The following MALRD1 variants were observed in gnomAD, a reference collection of about 807,000 sequenced individuals.
MALRD1 encodes the protein MAM and LDL-receptor class A domain-containing protein 1.
In MALRD1, 247 loss-of-function variants were observed where a neutral mutation model predicts 242.1. That is an observed-to-expected ratio of 1.02 (90% CI 0.92 to 1.13). The LOEUF (loss-of-function observed/expected upper bound fraction) is 1.13. MALRD1 is among the 50% of genes most tolerant of loss of function. The pLI is 0.00. For synonymous variants in MALRD1, 995 were observed against 866.6 expected, an observed-to-expected ratio of 1.15 and a Z score of -2.60; for missense variants, 2,989 against 2,533.1, an observed-to-expected ratio of 1.18 and a Z score of -3.86.
At chr10:19,161,503 TA>T (rs1167141332) in intron 12 of MALRD1, among the ~76,000 whole-genome samples, 687 of 45,936 alleles carry the variant, frequency 0.015, 12 homozygotes, top group African/African-American at 0.05. Context: ...TAGAGTATAA[TA>T]AAAAAAATAA....
chr10:19,682,444 C>T (rs1489897781), intron 36 of MALRD1, among the ~76,000 whole-genome samples: 1 of 152,168 alleles, frequency 6.6e-6, no homozygotes, highest in Non-Finnish European at 1.5e-5. Flanking sequence ...TGGCTGAAAG[C>T]GTCCAATTAT....
rs537045232 is a variant in MALRD1 at position 19,237,241 on chromosome 10, A to G, written c.2992-20443A>G. On this transcript the variant is annotated intron_variant, in intron 18 of 39. Coordinates refer to ENST00000454679, the MANE Select transcript of MALRD1 (RefSeq NM_001142308.3). ...AAGAACACTAAAACTTATTCTTCCT[A>G]TATAATTGTGATTTCATAACTGTTA... Among the ~76,000 whole-genome samples the G allele has an allele frequency of 6.6e-5, 10 of 151,510 alleles. No homozygotes were observed. In the South Asian group the frequency reaches 1.7e-3, roughly 25 times the overall value.
chr10:19,323,639 G>T (rs537431772), intron 21 of MALRD1, among the ~76,000 whole-genome samples: 1 of 152,024 alleles, frequency 6.6e-6, no homozygotes. Flanking sequence ...ACGGAGTTTC[G>T]CTCTAGTTGC....
At chr10:19,422,821 A>G (rs1833765273) in intron 28 of MALRD1, among the ~76,000 whole-genome samples, 2 of 152,202 alleles carry the variant, frequency 1.3e-5, no homozygotes, top group South Asian at 2.1e-4. Context: ...AAAAAGTGCT[A>G]AATAATGATA....
chr10:19,055,087 G>T (rs1366717070), intron 1 of MALRD1, among the ~76,000 whole-genome samples: 1 of 152,052 alleles, frequency 6.6e-6, no homozygotes, highest in Non-Finnish European at 1.5e-5. Flanking sequence ...TTTGATAAAA[G>T]CCATTCTAAC....
At chr10:19,711,430 C>T (rs1403147976) in intron 38 of MALRD1, 1 of 152,168 alleles carries the variant, frequency 6.6e-6, no homozygotes. Flanking sequence ...AGTTTATGCT[C>T]TAATGGAGGA....
chr10:19,235,800 T>G (rs892089550), intron 18 of MALRD1, among the ~76,000 whole-genome samples: 3 of 151,992 alleles, frequency 2.0e-5, no homozygotes, highest in African/African-American at 7.2e-5. Flanking sequence ...AGCCATTAGT[T>G]GAAATTTTGA....
intron 32 of MALRD1, among the ~76,000 whole-genome samples, chr10:19,538,135 C>T (rs960496436): frequency 6.6e-6 from 1 of 152,088 alleles, no homozygotes; most frequent in Non-Finnish European, 1.5e-5. Flanking sequence ...AAGTGAAATT[C>T]AATTATGATT....
At chr10:19,292,766 G>A (rs1303478950) in intron 21 of MALRD1, among the ~76,000 whole-genome samples, 3 of 151,828 alleles carry the variant, frequency 2.0e-5, no homozygotes, top group South Asian at 2.1e-4. Context: ...GGTGGCGGGC[G>A]CCTGTAGTCC....
At chr10:19,342,802 T>C (rs1843942181) in intron 24 of MALRD1, among the ~76,000 whole-genome samples, 1 of 152,020 alleles carries the variant, frequency 6.6e-6, no homozygotes, top group Non-Finnish European at 1.5e-5. Flanking sequence ...CCACATTCAT[T>C]GTCTTTCCAA....
chr10:19,531,791 C>G (rs1052764341), intron 32 of MALRD1, among the ~76,000 whole-genome samples: 1 of 152,112 alleles, frequency 6.6e-6, no homozygotes, highest in African/African-American at 2.4e-5. Flanking sequence ...CATGCGCGCT[C>G]TATTTTTAAC....
At chr10:19,070,369 T>G (rs1437379354) in intron 2 of MALRD1, among the ~76,000 whole-genome samples, 1 of 152,154 alleles carries the variant, frequency 6.6e-6, no homozygotes, top group African/African-American at 2.4e-5. Flanking sequence ...GAATACCTCC[T>G]GTAATTTATT....
At chr10:19,607,399 C>G (rs183868337) in intron 34 of MALRD1, among the ~76,000 whole-genome samples, 187 of 152,206 alleles carry the variant, frequency 1.2e-3, no homozygotes, top group African/African-American at 4.3e-3. Context: ...TTCACGTAGC[C>G]TTTCCTGTAT....
intron 18 of MALRD1, among the ~76,000 whole-genome samples, chr10:19,227,853 C>T (rs189652549): frequency 6.6e-6 from 1 of 152,052 alleles, no homozygotes; most frequent in African/African-American, 2.4e-5. Context: ...ATCTAATACA[C>T]AAATGAAAAG....
intron 32 of MALRD1, among the ~76,000 whole-genome samples, chr10:19,545,951 A>G (rs940679439): frequency 2.6e-5 from 4 of 152,166 alleles, no homozygotes; most frequent in African/African-American, 9.7e-5. Flanking sequence ...AATTTCCAAG[A>G]ACTGTGAATG....
chr10:19,063,123 G>A (rs940216520), intron 1 of MALRD1, among the ~76,000 whole-genome samples: 11 of 151,836 alleles, frequency 7.2e-5, no homozygotes, highest in Non-Finnish European at 1.3e-4. Flanking sequence ...TCCAGCCTAG[G>A]TGACAGAGCA....
Position 19,534,530 on chromosome 10 carries a change from A to G in MALRD1, c.5478+3179A>G, listed in dbSNP as rs570787869. Among the ~76,000 whole-genome samples, 72 of 152,332 alleles carry G rather than the reference A, an allele frequency of 4.7e-4. 1 individual carries two copies. The South Asian group carries it at 0.015, about 31-fold the overall frequency. On this transcript the variant is annotated intron_variant, in intron 32 of 39. Coordinates refer to ENST00000454679, the MANE Select transcript of MALRD1 (RefSeq NM_001142308.3). ...GTTTGTGGCTCTATTTTTTACAAATAATTGATGCCAAAAGTCCAATTAATA... is the reference window on the plus strand; with the variant it reads ...GTTTGTGGCTCTATTTTTTACAAATGATTGATGCCAAAAGTCCAATTAATA...
rs1019710582 is a variant in MALRD1, at chr10:19,159,977, A to G, written c.1656+4805A>G. Among the ~76,000 whole-genome samples, 3 of 152,202 alleles carry G rather than the reference A, an allele frequency of 2.0e-5. No individual in the cohort carries two copies. In the South Asian group the frequency reaches 6.2e-4, roughly 31 times the overall value. ...ATTGGAGCTTCCATTTTTATCTTCAATATTCAAAAAGAACTGTTTGTTGGA... is the reference window on the plus strand; with the variant it reads ...ATTGGAGCTTCCATTTTTATCTTCAGTATTCAAAAAGAACTGTTTGTTGGA... On this transcript the variant is annotated intron_variant, in intron 12 of 39. Transcript: ENST00000454679.
At position 19,109,789 on chromosome 10, in the gene MALRD1, G is replaced by T. The variant is rs565201751; in HGVS notation, c.694+5714G>T. Among the ~76,000 whole-genome samples, 15 of 152,322 alleles carry T rather than the reference G, an allele frequency of 9.8e-5. 1 individual carries two copies. The South Asian group carries it at 2.9e-3, about 29-fold the overall frequency. On this transcript the variant is annotated intron_variant, in intron 5 of 39. Transcript: ENST00000454679. The stretch of plus-strand genomic sequence containing the variant: ...CTTTATAGCAGCAATGTAGATATGG[G>T]AAGAGAAGGCACAATGTGCGCTCCT...
Sources: allele counts gnomAD v4.1 joint callset (sites outside exome capture counted in the v4.1 genomes callset), GRCh38; gene constraint gnomAD v4.1.1; transcripts MANE v1.5; gene names NCBI Gene and HGNC (gene_info 2026-07-23, HGNC 2026-07-21).